Variants in GAS7 observed in about 807,000 individuals in gnomAD.
The protein encoded by GAS7 is growth arrest-specific protein 7.
Under a neutral mutation model 71.1 loss-of-function variants are expected in GAS7, and 28 were observed. The observed-to-expected ratio is 0.39, with a 90% CI of 0.29 to 0.54. The LOEUF is 0.54. Ranked by LOEUF, GAS7 falls within the 20% of genes least tolerant of loss-of-function variation. The pLI, the probability that GAS7 is intolerant of heterozygous loss-of-function variation, is 0.62. For missense variants in GAS7, 436 were observed against 627.8 expected, an observed-to-expected ratio of 0.69 and a Z score of 3.27; for synonymous variants, 258 against 245.8, an observed-to-expected ratio of 1.05 and a Z score of -0.46.
intron 1 of GAS7, among the ~76,000 whole-genome samples, chr17:10,174,210 A>G (rs1250071814): frequency 6.6e-6 from 1 of 152,172 alleles, no homozygotes; most frequent in African/African-American, 2.4e-5. Flanking sequence ...CTGTGGCTCA[A>G]TTCACCCAGT....
At chr17:10,042,100 GC>G (rs1271407736) in intron 1 of GAS7, among the ~76,000 whole-genome samples, 8 of 152,046 alleles carry the variant, frequency 5.3e-5, no homozygotes, top group African/African-American at 1.9e-4. Flanking sequence ...TTCAAAACCA[GC>G]CTGGCCAATA....
chr17:10,155,951 C>T (rs1187171207), intron 1 of GAS7, among the ~76,000 whole-genome samples: 1 of 152,184 alleles, frequency 6.6e-6, no homozygotes, highest in African/African-American at 2.4e-5. Flanking sequence ...GCCACACAGG[C>T]ATGGATGAGC....
chr17:10,060,805 A>G (rs759814081), intron 1 of GAS7, among the ~76,000 whole-genome samples: 19 of 152,074 alleles, frequency 1.2e-4, no homozygotes, highest in Non-Finnish European at 2.5e-4. Flanking sequence ...TTAAACATAC[A>G]TTTACCATGT....
intron 5 of GAS7, among the ~76,000 whole-genome samples, chr17:9,949,308 C>G (rs922731539): frequency 1.1e-4 from 16 of 152,124 alleles, no homozygotes; most frequent in African/African-American, 3.6e-4. Flanking sequence ...TGTGATGACT[C>G]GAGGGAAGCT....
chr17:9,994,272 T>G (rs2070951905), intron 2 of GAS7, among the ~76,000 whole-genome samples: 1 of 150,398 alleles, frequency 6.6e-6, no homozygotes, highest in South Asian at 2.1e-4. Context: ...GCTACCTGAC[T>G]TCAAACTATA....
intron 5 of GAS7, among the ~76,000 whole-genome samples, chr17:9,948,814 T>C (rs2068890143): frequency 6.6e-6 from 1 of 152,212 alleles, no homozygotes; most frequent in Admixed American, 6.5e-5. Context: ...CTTTTCCCCA[T>C]TGTGTGGAGG....
chr17:10,196,745 C>T (rs553255531), intron 1 of GAS7, among the ~76,000 whole-genome samples: 39 of 152,304 alleles, frequency 2.6e-4, no homozygotes, highest in African/African-American at 2.9e-4. Flanking sequence ...GGTGACCACC[C>T]GAAGAACTCC....
chr17:9,922,899 T>TG (rs1555586832), intron 11 of GAS7, among the ~76,000 whole-genome samples: 1 of 152,190 alleles, frequency 6.6e-6, no homozygotes, highest in African/African-American at 2.4e-5. Context: ...CACTGTCTTT[T>TG]TTTGTTTGTT....
At chr17:10,131,346 G>A (rs762927132) in intron 1 of GAS7, among the ~76,000 whole-genome samples, 2 of 152,210 alleles carry the variant, frequency 1.3e-5, no homozygotes, top group Non-Finnish European at 2.9e-5. Context: ...TCCTGGGCAG[G>A]GTGTGGTGGC....
At chr17:10,049,745 C>T (rs113467012) in intron 1 of GAS7, among the ~76,000 whole-genome samples, 17,065 of 150,630 alleles carry the variant, frequency 0.11, 1,138 homozygotes, top group East Asian at 0.17. Flanking sequence ...CTCAGCCTCC[C>T]GAGTAGCTGG....
Position 10,026,281 on chromosome 17 carries a change from G to A in GAS7, c.184-6384C>T. ...ATCCTCTCACACCCCAAACCCAGAAGCAATAGGAGCTCTAAAGAAAAGCAT... is the reference window on the plus strand; with the variant it reads ...ATCCTCTCACACCCCAAACCCAGAAACAATAGGAGCTCTAAAGAAAAGCAT... On this transcript the variant is annotated intron_variant, in intron 1 of 13. Coordinates refer to ENST00000432992, the MANE Select transcript of GAS7 (RefSeq NM_201433.2). The surrounding 1 kb of genome is among the most constrained non-coding windows in gnomAD (Gnocchi z 4.5). 1.0e-6 allele frequency: 1 copy of A among 985,326 alleles called. No homozygotes were observed. The highest frequency in any genetic ancestry group is 1.2e-6 in the Non-Finnish European group (1 of 829,972). 61.0% of individuals were successfully genotyped at this position (985,326 alleles called of 1,614,324 possible).
At chr17:10,133,865 A>C (rs1194470406) in intron 1 of GAS7, among the ~76,000 whole-genome samples, 1 of 152,132 alleles carries the variant, frequency 6.6e-6, no homozygotes, top group Admixed American at 6.5e-5. Context: ...GTTGTCACAA[A>C]TGATAGGATT....
intron 1 of GAS7, among the ~76,000 whole-genome samples, chr17:10,128,543 G>A (rs1425912930): frequency 6.6e-6 from 1 of 151,910 alleles, no homozygotes; most frequent in African/African-American, 2.4e-5. Context: ...ATAAAACCCA[G>A]CATTTCATTA....
At chr17:10,001,012 A>AAAAC (rs60639057) in intron 2 of GAS7, among the ~76,000 whole-genome samples, 35,506 of 151,630 alleles carry the variant, frequency 0.23, 6,353 homozygotes, top group African/African-American at 0.5. Flanking sequence ...GTATCATATA[A>AAAAC]AAACAAACAA....
chr17:10,047,775 A>G (rs2073000606), intron 1 of GAS7, among the ~76,000 whole-genome samples: 1 of 152,264 alleles, frequency 6.6e-6, no homozygotes, highest in South Asian at 2.1e-4. Flanking sequence ...ATTTAGTTGT[A>G]GTTGTGGGTA....
intron 3 of GAS7, among the ~76,000 whole-genome samples, chr17:9,977,981 G>C (rs551392340): frequency 1.4e-3 from 212 of 152,318 alleles, no homozygotes; most frequent in African/African-American, 4.7e-3. Flanking sequence ...GGGAGGCTGA[G>C]GCTGGAGGAT....
chr17:10,195,153 G>A (rs2074531701), intron 1 of GAS7, among the ~76,000 whole-genome samples: 1 of 152,190 alleles, frequency 6.6e-6, no homozygotes, highest in African/African-American at 2.4e-5. Context: ...TGGAAGCCAA[G>A]TATGTGCTAT....
chr17:10,037,075 A>G (rs1262014324), intron 1 of GAS7, among the ~76,000 whole-genome samples: 1 of 152,240 alleles, frequency 6.6e-6, no homozygotes, highest in Non-Finnish European at 1.5e-5. Flanking sequence ...TCCCCCAAAG[A>G]ACCACTGTGT....
chr17:10,157,234 G>C (rs774263772), intron 1 of GAS7, among the ~76,000 whole-genome samples: 3 of 152,120 alleles, frequency 2.0e-5, no homozygotes, highest in Non-Finnish European at 4.4e-5. Flanking sequence ...AAAGGGGCTG[G>C]GGACAGGGCC....
Sources: gnomAD v4.1 joint callset for allele counts (sites outside exome capture counted in the v4.1 genomes callset) on GRCh38, gnomAD v4.1.1 for gene constraint, Gnocchi (gnomAD v3.1) non-coding constraint, MANE v1.5 for transcripts, NCBI Gene and HGNC (gene_info 2026-07-23, HGNC 2026-07-21) for gene names.